The following MTUS2 variants were observed in gnomAD, a reference collection of about 807,000 sequenced individuals.
MTUS2 encodes microtubule associated scaffold protein 2.
A neutral mutation model predicts 114.1 loss-of-function variants in MTUS2; 40 were observed. The ratio of observed to expected loss-of-function variants is 0.35; its 90% CI spans 0.27 to 0.46. The LOEUF is 0.46. MTUS2 is among the 20% of genes least tolerant of loss of function. The pLI, the probability that MTUS2 is intolerant of heterozygous loss-of-function variation, is 1.00. For synonymous variants in MTUS2, 688 were observed against 672.0 expected, an observed-to-expected ratio of 1.02 and a Z score of -0.37; for missense variants, 1,679 against 1,705.4, an observed-to-expected ratio of 0.98 and a Z score of 0.27.
At chr13:29,071,288 C>T (rs1224979213) in intron 4 of MTUS2, among the ~76,000 whole-genome samples, 1 of 151,590 alleles carries the variant, frequency 6.6e-6, no homozygotes, top group Non-Finnish European at 1.5e-5. Flanking sequence ...GTGTGAGCCA[C>T]CGTGCCCAGC....
chr13:29,066,712 G>A (rs933192475), intron 4 of MTUS2, among the ~76,000 whole-genome samples: 2 of 152,336 alleles, frequency 1.3e-5, no homozygotes, highest in African/African-American at 4.8e-5. Context: ...CCAGATGCTG[G>A]TCTATGTATG....
chr13:29,220,229 G>C (rs1295579034), intron 5 of MTUS2, among the ~76,000 whole-genome samples: 1 of 152,058 alleles, frequency 6.6e-6, no homozygotes, highest in African/African-American at 2.4e-5. Context: ...TTGAACTCCT[G>C]ACCTCAGATG....
intron 5 of MTUS2, among the ~76,000 whole-genome samples, chr13:29,137,538 GTCT>G (rs532274153): frequency 7.6e-4 from 115 of 151,740 alleles, no homozygotes; most frequent in African/African-American, 2.4e-3. Flanking sequence ...CTTTTCTTCA[GTCT>G]TCTTCTTCTT....
intron 8 of MTUS2, among the ~76,000 whole-genome samples, chr13:29,426,191 C>G (rs1390713969): frequency 1.3e-5 from 2 of 152,206 alleles, no homozygotes; most frequent in Non-Finnish European, 2.9e-5. Flanking sequence ...TACCACTTCT[C>G]TTTTAGAAAA....
At chr13:29,432,010 A>ATTTTTTTT (rs57182093) in intron 8 of MTUS2, among the ~76,000 whole-genome samples, 1 of 81,038 alleles carries the variant, frequency 1.2e-5, no homozygotes. Context: ...ACGCTCAGCT[A>ATTTTTTTT]TTTTTTTTTT....
At chr13:28,941,050 C>G (rs1282810484) in intron 2 of MTUS2, among the ~76,000 whole-genome samples, 1 of 141,970 alleles carries the variant, frequency 7.0e-6, no homozygotes, top group East Asian at 2.1e-4. Context: ...ATGTAGGTAA[C>G]TAATAGATTA....
chr13:28,899,155 A>G (rs981657628), intron 2 of MTUS2, among the ~76,000 whole-genome samples: 22 of 152,228 alleles, frequency 1.4e-4, no homozygotes, highest in African/African-American at 4.8e-4. Flanking sequence ...TAGAGATCTC[A>G]CGTACCGTTT....
At chr13:29,257,202 A>G (rs982927562) in intron 5 of MTUS2, among the ~76,000 whole-genome samples, 2 of 152,126 alleles carry the variant, frequency 1.3e-5, no homozygotes, top group Non-Finnish European at 2.9e-5. Flanking sequence ...TCATCTTTCC[A>G]AAATGTACAC....
intron 6 of MTUS2, among the ~76,000 whole-genome samples, chr13:29,283,473 T>G (rs1020355658): frequency 2.0e-5 from 3 of 152,218 alleles, no homozygotes; most frequent in Non-Finnish European, 2.9e-5. Flanking sequence ...TACAATTTAT[T>G]AACAGTTTGG....
intron 2 of MTUS2, among the ~76,000 whole-genome samples, chr13:28,992,080 ACT>A (rs1467946184): frequency 6.6e-6 from 1 of 151,528 alleles, no homozygotes; most frequent in East Asian, 1.9e-4. Context: ...ACTTTGGGGG[ACT>A]CTCTCAATCT....
intron 2 of MTUS2, among the ~76,000 whole-genome samples, chr13:28,878,555 G>A (rs560676727): frequency 3.3e-5 from 5 of 152,210 alleles, no homozygotes; most frequent in African/African-American, 1.2e-4. Context: ...TCCTTGTTCA[G>A]CTCTCACTTA....
chr13:28,978,257 CT>C (rs1342921884), intron 2 of MTUS2, among the ~76,000 whole-genome samples: 4 of 152,144 alleles, frequency 2.6e-5, no homozygotes, highest in African/African-American at 9.7e-5. Flanking sequence ...GATTTAAGAT[CT>C]TCTTACATCA....
intron 8 of MTUS2, among the ~76,000 whole-genome samples, chr13:29,394,471 G>A (rs184506090): frequency 3.9e-5 from 6 of 152,332 alleles, no homozygotes; most frequent in African/African-American, 9.6e-5. Flanking sequence ...GTTAAGGTAA[G>A]GGGTTGTGGC....
chr13:29,503,423 C>T lies in MTUS2; in HGVS notation c.*217C>T, dbSNP rs1883043573. Reference sequence around the variant, plus strand: ...AAAGTCTGATGTGCAAACGTTTTACCATAGTTAGAGCCAAAAGAAAGACAC... The same window carrying T: ...AAAGTCTGATGTGCAAACGTTTTACTATAGTTAGAGCCAAAAGAAAGACAC... On this transcript the variant is annotated 3_prime_UTR_variant, in exon 16 of 16. Transcript: ENST00000612955. The T allele has an allele frequency of 3.3e-6, 2 of 598,352 alleles. No homozygotes were observed. Among genetic ancestry groups the T allele is most frequent in the African/African-American group, 3.7e-5 (2 of 53,836 alleles). The allele number at this position is 598,352 out of a possible 1,614,324, so 37.1% of individuals were successfully genotyped here.
At chr13:28,852,971 A>ACATT (rs1322615195) in intron 2 of MTUS2, among the ~76,000 whole-genome samples, 6 of 151,664 alleles carry the variant, frequency 4.0e-5, no homozygotes, top group Non-Finnish European at 5.9e-5. Flanking sequence ...ATACATACAT[A>ACATT]CATTCATTCA....
At chr13:29,256,719 A>G (rs184959093) in intron 5 of MTUS2, among the ~76,000 whole-genome samples, 1 of 152,306 alleles carries the variant, frequency 6.6e-6, no homozygotes, top group Admixed American at 6.5e-5. Context: ...GTAGTTTCTA[A>G]TTGCTGTGGT....
chr13:28,887,546 A>G (rs184069765), intron 2 of MTUS2, among the ~76,000 whole-genome samples: 2 of 152,302 alleles, frequency 1.3e-5, no homozygotes. Context: ...TGGGAAGGGA[A>G]ACTACAGAGA....
intron 2 of MTUS2, among the ~76,000 whole-genome samples, chr13:28,842,379 C>T (rs1192288188): frequency 6.6e-6 from 1 of 152,134 alleles, no homozygotes; most frequent in Admixed American, 6.5e-5. Flanking sequence ...TATGAAGACA[C>T]TTTGGATCTG....
At chr13:29,087,268 T>C (rs998514070) in intron 4 of MTUS2, among the ~76,000 whole-genome samples, 1 of 152,088 alleles carries the variant, frequency 6.6e-6, no homozygotes, top group Non-Finnish European at 1.5e-5. Context: ...TAGTTTGAGA[T>C]ATGTTCCTTA....
Sources: allele counts gnomAD v4.1 joint callset (sites outside exome capture counted in the v4.1 genomes callset), GRCh38; gene constraint gnomAD v4.1.1; transcripts MANE v1.5; gene names NCBI Gene and HGNC (gene_info 2026-07-23, HGNC 2026-07-21).